PDXDC1: variants seen among roughly 807,000 people sequenced by gnomAD.
The protein encoded by PDXDC1 is pyridoxal dependent decarboxylase domain containing 1, also known as pyridoxal-dependent decarboxylase domain-containing protein 1.
A neutral mutation model predicts 100.1 loss-of-function variants in PDXDC1; 42 were observed. The observed-to-expected ratio is 0.42, with a 90% CI of 0.33 to 0.54. PDXDC1 has a LOEUF of 0.54. Among genes scored for constraint, PDXDC1 ranks in the 20% least tolerant of loss-of-function variants. The pLI, the probability that PDXDC1 is intolerant of heterozygous loss-of-function variation, is 0.10. For synonymous variants in PDXDC1, 260 were observed against 371.7 expected, an observed-to-expected ratio of 0.70 and a Z score of 3.46; for missense variants, 636 against 979.2, an observed-to-expected ratio of 0.65 and a Z score of 4.68.
chr16:15,140,572 T>G (rs933489120), downstream of PDXDC1, among the ~76,000 whole-genome samples: 2 of 151,654 alleles, frequency 1.3e-5, no homozygotes, highest in African/African-American at 4.9e-5. Flanking sequence ...GTCACAGCCA[T>G]GGGAAAGACA....
chr16:15,004,030 A>G (rs1465706959), intron 4 of PDXDC1, among the ~76,000 whole-genome samples, 157 bp from the exon 5 acceptor site: 1 of 152,276 alleles, frequency 6.6e-6, no homozygotes, highest in Non-Finnish European at 1.5e-5. Flanking sequence ...AATAGAAAAA[A>G]TTCTCACCAA....
intron 4 of PDXDC1, 39 bp downstream of exon 4, chr16:15,001,895 T>A: frequency 1.3e-6 from 2 of 1,545,914 alleles, no homozygotes; most frequent in Non-Finnish European, 1.8e-6. Flanking sequence ...AGTGTATGTG[T>A]TCTTGATTTC....
intron 16 of PDXDC1, among the ~76,000 whole-genome samples, chr16:15,050,898 T>C (rs2044267538): frequency 6.6e-6 from 1 of 151,356 alleles, no homozygotes; most frequent in South Asian, 2.1e-4. Flanking sequence ...AAACTAAAGA[T>C]TAAATGAACT....
chr16:15,000,068 A>G (rs886458863), intron 3 of PDXDC1, among the ~76,000 whole-genome samples: 2 of 152,292 alleles, frequency 1.3e-5, no homozygotes, highest in Non-Finnish European at 2.9e-5. Flanking sequence ...GCTAGGTGTG[A>G]AGTGCATTCT....
chr16:15,006,795 T>A (rs1411607315), intron 6 of PDXDC1, among the ~76,000 whole-genome samples: 2 of 152,292 alleles, frequency 1.3e-5, no homozygotes, highest in African/African-American at 4.8e-5. Flanking sequence ...ACATTTTCTC[T>A]TTTTTCCCAG....
chr16:15,049,629 T>C (rs1398805480), intron 16 of PDXDC1, among the ~76,000 whole-genome samples: 1 of 151,024 alleles, frequency 6.6e-6, no homozygotes, highest in Non-Finnish European at 1.5e-5. Context: ...TTTCGCCATG[T>C]TGGCCACACT....
intron 16 of PDXDC1, chr16:15,061,578 C>T: frequency 3.8e-6 from 2 of 520,492 alleles, no homozygotes; most frequent in South Asian, 3.9e-5. Context: ...ACAAAAAAAC[C>T]CAGTCTTCAG....
chr16:15,110,151 A>C (rs1019882990), intron 16 of PDXDC1, among the ~76,000 whole-genome samples: 1 of 149,962 alleles, frequency 6.7e-6, no homozygotes, highest in Non-Finnish European at 1.5e-5. Flanking sequence ...ATCTCAGGAA[A>C]AAAAAAAAAA....
At chr16:14,978,534 C>T (rs1471355055) in intron 1 of PDXDC1, among the ~76,000 whole-genome samples, 2 of 152,282 alleles carry the variant, frequency 1.3e-5, no homozygotes, top group African/African-American at 4.8e-5. Context: ...GGACTACAGG[C>T]ACTCACCCCC....
intron 3 of PDXDC1, among the ~76,000 whole-genome samples, chr16:14,999,007 C>T (rs1174300050): frequency 6.6e-6 from 1 of 152,282 alleles, no homozygotes; most frequent in Admixed American, 6.5e-5. Flanking sequence ...ATCACTTGAG[C>T]CCAGGAGTTC....
chr16:15,140,271 C>T (rs1026517900), downstream of PDXDC1, among the ~76,000 whole-genome samples: 2 of 150,482 alleles, frequency 1.3e-5, no homozygotes, highest in African/African-American at 4.9e-5. Context: ...ACGGAGACAC[C>T]CTGTCTCTAC....
At chr16:15,040,742 G>A (rs1218185369), downstream of PDXDC1, among the ~76,000 whole-genome samples, 2 of 152,154 alleles carry the variant, frequency 1.3e-5, no homozygotes, top group East Asian at 1.9e-4. Flanking sequence ...AGAAAAGCAC[G>A]CCGGGCCTGG....
intron 1 of PDXDC1, among the ~76,000 whole-genome samples, chr16:14,980,956 T>C (rs1476820930): frequency 6.6e-6 from 1 of 152,288 alleles, no homozygotes; most frequent in Non-Finnish European, 1.5e-5. Flanking sequence ...CAATGCTGAG[T>C]GCTGACAGAG....
intron 16 of PDXDC1, among the ~76,000 whole-genome samples, chr16:15,101,526 C>G (rs989864113): frequency 6.6e-6 from 1 of 151,236 alleles, no homozygotes; most frequent in African/African-American, 2.4e-5. Flanking sequence ...TTAATAGAGA[C>G]GGGGTTTCAC....
chr16:15,133,624 C>T (rs2048211441), intron 16 of PDXDC1: 21 of 1,281,200 alleles, frequency 1.6e-5, no homozygotes, highest in Admixed American at 6.9e-5. Context: ...CACAGAACTC[C>T]TCGCAGTGGC....
At chr16:15,043,044 G>C (rs1015943349), downstream of PDXDC1, among the ~76,000 whole-genome samples, 1 of 152,110 alleles carries the variant, frequency 6.6e-6, no homozygotes, top group Non-Finnish European at 1.5e-5. Flanking sequence ...GGGATTACAG[G>C]CATGCACCAC....
intron 16 of PDXDC1, among the ~76,000 whole-genome samples, chr16:15,079,057 G>A (rs577811800): frequency 2.4e-4 from 36 of 151,934 alleles, no homozygotes; most frequent in Middle Eastern, 3.2e-3. Flanking sequence ...TGATCCGCCC[G>A]CCTCGGCCTC....
intron 16 of PDXDC1, chr16:15,125,690 C>A (rs1293028706): frequency 7.3e-7 from 1 of 1,367,412 alleles, no homozygotes; most frequent in Non-Finnish European, 1.0e-6. Flanking sequence ...AGAGCCCTCA[C>A]CTCAGCGTGG....
intron 1 of PDXDC1, among the ~76,000 whole-genome samples, chr16:14,986,469 G>GA (rs1969403959): frequency 6.6e-6 from 1 of 152,280 alleles, no homozygotes; most frequent in Non-Finnish European, 1.5e-5. Context: ...ACTGCATCTC[G>GA]AAAAAAGTCT....
Sources: gnomAD v4.1 joint callset for allele counts (sites outside exome capture counted in the v4.1 genomes callset) on GRCh38, gnomAD v4.1.1 for gene constraint, MANE v1.5 for transcripts, NCBI Gene and HGNC (gene_info 2026-07-23, HGNC 2026-07-21) for gene names.